Variants in ELOF1 observed in about 807,000 individuals in gnomAD.
The protein encoded by ELOF1 is transcription elongation factor 1 homolog.
ELOF1 carries 4 observed loss-of-function variants against 7.1 expected under a neutral mutation model. The observed-to-expected ratio is 0.56, with a 90% CI of 0.28 to 1.29. The LOEUF is 1.29. Ranked by LOEUF, ELOF1 falls within the 50% of genes most tolerant of loss-of-function variation. The probability of loss-of-function intolerance (pLI) is 0.10; values close to 1 mark genes in which losing one functional copy is unlikely to be tolerated. For missense variants in ELOF1, 59 were observed against 86.3 expected (o/e 0.68, Z 1.25); for synonymous variants, 31 against 31.9 (o/e 0.97, Z 0.09).
chr19:11,557,965 C>T (rs1231213586), intron 1 of ELOF1, among the ~76,000 whole-genome samples: 1 of 152,190 alleles, frequency 6.6e-6, no homozygotes, highest in African/African-American at 2.4e-5. Context: ...GCCTACTCTA[C>T]ACTGAGGCCA....
At chr19:11,558,159 TA>T (rs1423952841) in intron 1 of ELOF1, among the ~76,000 whole-genome samples, 4 of 152,166 alleles carry the variant, frequency 2.6e-5, no homozygotes, top group African/African-American at 9.6e-5. Context: ...TCTTTCCGGA[TA>T]ATCAAATCAG....
At chr19:11,558,379 G>C (rs1451390337) in intron 1 of ELOF1, among the ~76,000 whole-genome samples, 2 of 151,762 alleles carry the variant, frequency 1.3e-5, no homozygotes, top group Non-Finnish European at 2.9e-5. Flanking sequence ...GCCTCCCAAA[G>C]TGCTGGCGTT....
At chr19:11,556,472 T>G (rs1972836251) in intron 1 of ELOF1, among the ~76,000 whole-genome samples, 1 of 151,856 alleles carries the variant, frequency 6.6e-6, no homozygotes, top group Non-Finnish European at 1.5e-5. Flanking sequence ...GCTAATTTTT[T>G]GTATTTTTAG....
intron 3 of ELOF1, 61 bp from the exon 4 acceptor site, chr19:11,553,871 C>T (rs752443848): frequency 1.2e-6 from 2 of 1,612,760 alleles, no homozygotes; most frequent in African/African-American, 1.3e-5. Context: ...ATCTTCTCAC[C>T]CCACAGAAAT....
At chr19:11,553,714 G>A (rs768604233) in intron 3 of ELOF1, 20 of 1,613,704 alleles carry the variant, frequency 1.2e-5, no homozygotes, top group Middle Eastern at 3.3e-4. Flanking sequence ...CACAGTACGC[G>A]GGGCTGCTCA....
chr19:11,553,363 A>T, intron 3 of ELOF1: 1 of 448,562 alleles, frequency 2.2e-6, no homozygotes, highest in East Asian at 3.4e-5. Context: ...CAGTCCCCCA[A>T]TTCCGCCGGG....
chr19:11,554,151 A>G (rs1972788509), intron 2 of ELOF1, 70 bp from the exon 3 acceptor site: 1 of 1,613,802 alleles, frequency 6.2e-7, no homozygotes, highest in African/African-American at 1.3e-5. Context: ...CGCCTTCACC[A>G]AGGGAGGCAA....
At chr19:11,558,214 C>T (rs1250630145) in intron 1 of ELOF1, among the ~76,000 whole-genome samples, 1 of 152,092 alleles carries the variant, frequency 6.6e-6, no homozygotes, top group Non-Finnish European at 1.5e-5. Context: ...TCACACATTC[C>T]TTATGCGATC....
chr19:11,556,101 T>C lies in ELOF1; in HGVS notation c.-18-1736A>G, dbSNP rs145115454. Among the ~76,000 whole-genome samples, 492 of 152,194 alleles carry C rather than the reference T, an allele frequency of 3.2e-3. 4 individuals carry two copies. Among genetic ancestry groups the C allele is most frequent in the African/African-American group, 0.011 (475 of 41,522 alleles). On this transcript the variant is annotated intron_variant, in intron 1 of 3. Coordinates refer to ENST00000586683, the Ensembl canonical transcript of ELOF1. Reference sequence around the variant, plus strand: ...CAGTTACCACTGAGCCCAACTCCCCTGCGAGGCACGGTGCTCAGGGCACTG... The same window carrying C: ...CAGTTACCACTGAGCCCAACTCCCCCGCGAGGCACGGTGCTCAGGGCACTG...
intron 1 of ELOF1, among the ~76,000 whole-genome samples, chr19:11,557,690 C>T (rs950126013): frequency 1.4e-4 from 20 of 146,932 alleles, no homozygotes; most frequent in Non-Finnish European, 2.4e-4. Flanking sequence ...GTCAGGAGTT[C>T]GAGACCAGCC....
chr19:11,558,763 T>G (rs1972871000), intron 1 of ELOF1, among the ~76,000 whole-genome samples: 2 of 149,930 alleles, frequency 1.3e-5, no homozygotes, highest in East Asian at 3.9e-4. Context: ...AATCTACGGA[T>G]GAGCCCCAGA....
chr19:11,555,173 C>T, intron 1 of ELOF1: 1 of 257,382 alleles, frequency 3.9e-6, no homozygotes, highest in Non-Finnish European at 8.1e-6. Context: ...AGGAGACTCA[C>T]CTGAACCCAA....
At chr19:11,553,325 G>A (rs1189584729) in intron 3 of ELOF1, 1 of 443,582 alleles carries the variant, frequency 2.3e-6, no homozygotes, top group African/African-American at 1.9e-5. Context: ...GCCTCTAGTG[G>A]GCTTCCCTTG....
exon 3 of ELOF1, chr19:11,554,056 T>C: frequency 6.2e-7 from 1 of 1,614,190 alleles, no homozygotes; most frequent in Non-Finnish European, 8.5e-7. Flanking sequence ...GTACAAGAGA[T>C]GACTCCGGTG....
intron 3 of ELOF1, chr19:11,553,546 A>ACACT: frequency 1.5e-6 from 1 of 656,048 alleles, no homozygotes; most frequent in Non-Finnish European, 2.6e-6. Flanking sequence ...ACACACACCC[A>ACACT]CACTCACTCA....
At chr19:11,554,166 C>G in intron 2 of ELOF1, 66 bp downstream of exon 2, 2 of 1,614,040 alleles carry the variant, frequency 1.2e-6, no homozygotes, top group Non-Finnish European at 1.7e-6. Context: ...AGGCAAGGGG[C>G]AGGATGGAGA....
At chr19:11,556,307 CT>C (rs954637659) in intron 1 of ELOF1, among the ~76,000 whole-genome samples, 4 of 148,706 alleles carry the variant, frequency 2.7e-5, no homozygotes, top group South Asian at 2.1e-4. Context: ...CCAACTCTTT[CT>C]TTTTTTTTTG....
At chr19:11,556,154 C>T (rs906808182) in intron 1 of ELOF1, among the ~76,000 whole-genome samples, 4 of 152,072 alleles carry the variant, frequency 2.6e-5, no homozygotes, top group Non-Finnish European at 5.9e-5. Context: ...CCTCCTATGG[C>T]GCCTCCTCCA....
chr19:11,553,127 G>T (rs918253677), intron 3 of ELOF1: 4 of 401,854 alleles, frequency 1.0e-5, no homozygotes, highest in African/African-American at 2.1e-5. Context: ...AAAAGCAACT[G>T]AACATGAAAC....
Sources: allele counts gnomAD v4.1 joint callset (sites outside exome capture counted in the v4.1 genomes callset), GRCh38; gene constraint gnomAD v4.1.1; transcripts MANE v1.5; gene names NCBI Gene and HGNC (gene_info 2026-07-23, HGNC 2026-07-21).